ADARB2: variants seen among roughly 807,000 people sequenced by gnomAD.
ADARB2 encodes adenosine deaminase RNA specific B2 (inactive), also known as inactive double-stranded RNA-specific editase B2.
In ADARB2, 25 loss-of-function variants were observed where a neutral mutation model predicts 62.2. The observed-to-expected ratio is 0.40, with a 90% CI of 0.29 to 0.56. ADARB2 has a LOEUF of 0.56. Among genes scored for constraint, ADARB2 ranks in the 20% least tolerant of loss-of-function variants. The pLI is 0.43. For missense variants in ADARB2, 1,071 were observed against 1,077.4 expected, an observed-to-expected ratio of 0.99 and a Z score of 0.08; for synonymous variants, 572 against 500.8, an observed-to-expected ratio of 1.14 and a Z score of -1.90.
intron 7 of ADARB2, among the ~76,000 whole-genome samples, chr10:1,210,635 G>A (rs371038600): frequency 6.6e-6 from 1 of 152,204 alleles, no homozygotes; most frequent in South Asian, 2.1e-4. Context: ...CATCAATCAC[G>A]TCGCAGCGAT....
intron 4 of ADARB2, among the ~76,000 whole-genome samples, chr10:1,249,727 C>T (rs1831019395): frequency 6.6e-6 from 1 of 151,800 alleles, no homozygotes; most frequent in South Asian, 2.1e-4. Flanking sequence ...TTGACGAGCA[C>T]AACAAGAGAA....
At chr10:1,339,239 G>T (rs1832001305) in intron 3 of ADARB2, among the ~76,000 whole-genome samples, 1 of 152,204 alleles carries the variant, frequency 6.6e-6, no homozygotes. Context: ...GGAAAGGGTG[G>T]GTCAAATCTG....
intron 1 of ADARB2, among the ~76,000 whole-genome samples, chr10:1,687,808 G>A (rs1220154993): frequency 6.6e-6 from 1 of 151,986 alleles, no homozygotes; most frequent in African/African-American, 2.4e-5. Flanking sequence ...ACCCTTGCTG[G>A]CCGGGGGGGA....
Position 1,293,203 on chromosome 10 carries a change from A to G in ADARB2, c.1078-22134T>C, listed in dbSNP as rs1253991856. The stretch of plus-strand genomic sequence containing the variant: ...GGAGAGAAAGACAGGAATAGAAAAA[A>G]GAGGGAGGGAGGGAGAGAGGGACGG... On this transcript the variant is annotated intron_variant, in intron 3 of 9. Coordinates refer to ENST00000381312, the MANE Select transcript of ADARB2 (RefSeq NM_018702.4). Among the ~76,000 whole-genome samples the G allele has an allele frequency of 9.4e-3, 466 of 49,814 alleles. 9 individuals are homozygous for G. The highest frequency in any genetic ancestry group is 0.016 in the African/African-American group (274 of 17,444). 32.7% of individuals were successfully genotyped at this position (49,814 alleles called of 152,430 possible).
intron 1 of ADARB2, among the ~76,000 whole-genome samples, chr10:1,407,270 C>T (rs1832715012): frequency 6.6e-6 from 1 of 152,162 alleles, no homozygotes; most frequent in African/African-American, 2.4e-5. Flanking sequence ...AGGACGATGA[C>T]CTGCAGTCAC....
rs912432849 is a variant in ADARB2 at position 1,515,725 on chromosome 10, A to G, written c.101-136565T>C. ...CACTTAGGTGGCCAAGGAAAAAGTA[A>G]CTTCAGATCCCAAAGTGTTTCTTCC... On this transcript the variant is annotated intron_variant, in intron 1 of 9. Transcript: ENST00000381312. 3.3e-5 allele frequency among the ~76,000 whole-genome samples: 5 copies of G among 152,320 alleles called. No individual in the cohort carries two copies. The East Asian group carries it at 7.7e-4, about 24-fold the overall frequency.
intron 1 of ADARB2, among the ~76,000 whole-genome samples, chr10:1,498,199 C>T (rs1831715923): frequency 6.6e-6 from 1 of 151,684 alleles, no homozygotes; most frequent in African/African-American, 2.4e-5. Flanking sequence ...CATGGTGAAA[C>T]CCATTTTTAC....
At chr10:1,486,210 CTGTGTGTGTGTGTG>C (rs61283089) in intron 1 of ADARB2, among the ~76,000 whole-genome samples, 8 of 142,952 alleles carry the variant, frequency 5.6e-5, no homozygotes, top group South Asian at 2.3e-4. Context: ...GTGTGGACGC[CTGTGTGTGTGTGTG>C]TGTGTGTGTG....
At chr10:1,627,195 A>G (rs1251229108) in intron 1 of ADARB2, among the ~76,000 whole-genome samples, 1 of 152,048 alleles carries the variant, frequency 6.6e-6, no homozygotes, top group Admixed American at 6.6e-5. Flanking sequence ...GACGTGCACA[A>G]GAAGGGGCTT....
chr10:1,703,170 G>C (rs1417384292), intron 1 of ADARB2, among the ~76,000 whole-genome samples: 2 of 152,100 alleles, frequency 1.3e-5, no homozygotes, highest in Admixed American at 6.5e-5. Flanking sequence ...GCAATTAAAA[G>C]GAAAAAAGGA....
intron 1 of ADARB2, among the ~76,000 whole-genome samples, chr10:1,497,540 C>G (rs1383871238): frequency 6.6e-6 from 1 of 152,134 alleles, no homozygotes; most frequent in Non-Finnish European, 1.5e-5. Context: ...TTGTATTAAA[C>G]ACTTATTGTT....
In ADARB2 at chr10:1,560,472, C is replaced by CGGGTTGGATTGG. The variant is rs1564330733; in HGVS notation, c.100+176578_100+176579insCCAATCCAACCC. Among the ~76,000 whole-genome samples the CGGGTTGGATTGG allele has an allele frequency of 6.0e-5, 9 of 149,982 alleles. 1 individual carries two copies. Among genetic ancestry groups the CGGGTTGGATTGG allele is most frequent in the East Asian group, 2.0e-4 (1 of 4,986 alleles). ...CACACACGCGTGAACACACGGGGGG[C>CGGGTTGGATTGG]ACCCTGGGTCGTCACACACGCGTGA... On this transcript the variant is annotated intron_variant, in intron 1 of 9. Transcript: ENST00000381312.
intron 1 of ADARB2, among the ~76,000 whole-genome samples, chr10:1,612,252 G>A (rs539599847): frequency 1.3e-5 from 2 of 152,322 alleles, no homozygotes; most frequent in Non-Finnish European, 1.5e-5. Context: ...CACCAAGCAC[G>A]AATCTGCCCT....
At position 1,242,301 on chromosome 10, in the gene ADARB2, TG is replaced by T. The variant is rs1473426192; in HGVS notation, c.1193-3del. The T allele has an allele frequency of 6.4e-7, 1 of 1,552,992 alleles. No homozygotes were observed. On this transcript the variant is annotated splice_region_variant and splice_polypyrimidine_tract_variant and intron_variant, in intron 4 of 9. Transcript: ENST00000381312. ...CCTGCGCCTGCCGAGCATCCAGGCC[TG>T]GGGACACAGATAGCATCAGAGCAGC...
At chr10:1,436,530 G>A (rs2805550) in intron 1 of ADARB2, among the ~76,000 whole-genome samples, 1 of 152,174 alleles carries the variant, frequency 6.6e-6, no homozygotes, top group South Asian at 2.1e-4. Flanking sequence ...TTGTAGTATT[G>A]TAACCATCTT....
chr10:1,627,145 C>G (rs1224580563), intron 1 of ADARB2, among the ~76,000 whole-genome samples: 1 of 152,160 alleles, frequency 6.6e-6, no homozygotes, highest in Non-Finnish European at 1.5e-5. Context: ...GTTAGCTCCT[C>G]GAGCACCGAG....
At chr10:1,731,524 T>C (rs752752609) in intron 1 of ADARB2, among the ~76,000 whole-genome samples, 1 of 152,220 alleles carries the variant, frequency 6.6e-6, no homozygotes, top group Non-Finnish European at 1.5e-5. Flanking sequence ...TTGTTTCTTC[T>C]CTTTTTGAAT....
intron 6 of ADARB2, among the ~76,000 whole-genome samples, chr10:1,223,064 G>C (rs543308025): frequency 1.8e-4 from 28 of 151,960 alleles, no homozygotes; most frequent in East Asian, 1.5e-3. Flanking sequence ...ATTGTTCTTC[G>C]ATTTGTTTGT....
chr10:1,609,332 G>A (rs957121566), intron 1 of ADARB2, among the ~76,000 whole-genome samples: 17 of 152,200 alleles, frequency 1.1e-4, no homozygotes, highest in African/African-American at 3.6e-4. Context: ...AGACCCGCTG[G>A]TCACAGCGGG....
Sources: allele counts gnomAD v4.1 joint callset (sites outside exome capture counted in the v4.1 genomes callset), GRCh38; gene constraint gnomAD v4.1.1; transcripts MANE v1.5; gene names NCBI Gene and HGNC (gene_info 2026-07-23, HGNC 2026-07-21).